TAGLN3: variants seen among roughly 807,000 people sequenced by gnomAD.
TAGLN3 encodes transgelin 3, also known as transgelin-3.
Under a neutral mutation model 25.4 loss-of-function variants are expected in TAGLN3, and 12 were observed. The observed-to-expected ratio is 0.47, with a 90% CI of 0.30 to 0.77. The LOEUF (loss-of-function observed/expected upper bound fraction) is 0.77. TAGLN3 is among the 30% of genes least tolerant of loss of function. The pLI, the probability that TAGLN3 is intolerant of heterozygous loss-of-function variation, is 0.06. For missense variants in TAGLN3, 218 were observed against 255.8 expected (o/e 0.85, Z 1.01); for synonymous variants, 96 against 94.8 (o/e 1.01, Z -0.08).
intron 3 of TAGLN3, among the ~76,000 whole-genome samples, chr3:112,003,559 A>G (rs1202023966): frequency 6.6e-6 from 1 of 152,184 alleles, no homozygotes; most frequent in Non-Finnish European, 1.5e-5. Flanking sequence ...TTGTGCACAC[A>G]GCTATTAGAC....
intron 3 of TAGLN3, among the ~76,000 whole-genome samples, chr3:112,006,217 C>A (rs937166701): frequency 2.0e-5 from 3 of 152,084 alleles, no homozygotes; most frequent in Non-Finnish European, 4.4e-5. Flanking sequence ...CTGCTAAGCC[C>A]CAACAGCAGA....
chr3:112,002,949 T>C (rs2072877852), intron 3 of TAGLN3, among the ~76,000 whole-genome samples: 1 of 152,040 alleles, frequency 6.6e-6, no homozygotes, highest in Non-Finnish European at 1.5e-5. Flanking sequence ...GGGATGAGTG[T>C]GGTCGCCTGA....
At chr3:112,010,205 T>A (rs980647798) in intron 3 of TAGLN3, among the ~76,000 whole-genome samples, 1 of 152,088 alleles carries the variant, frequency 6.6e-6, no homozygotes, top group Non-Finnish European at 1.5e-5. Flanking sequence ...TCCAGGGTAG[T>A]GTCTGTGGGT....
At chr3:112,000,136 T>C (rs2072839316) in intron 2 of TAGLN3, among the ~76,000 whole-genome samples, 1 of 152,218 alleles carries the variant, frequency 6.6e-6, no homozygotes. Flanking sequence ...CGTGTGTGTT[T>C]GAGGGTTTGA....
At chr3:111,999,144 T>C (rs1240454810) in intron 1 of TAGLN3, 30 bp downstream of exon 1, 15 of 338,486 alleles carry the variant, frequency 4.4e-5, no homozygotes, top group South Asian at 3.7e-4. Flanking sequence ...TCTGGTCTCA[T>C]TGATAGGCGG....
intron 3 of TAGLN3, among the ~76,000 whole-genome samples, chr3:112,010,126 G>A (rs1435796192): frequency 1.3e-5 from 2 of 151,922 alleles, no homozygotes; most frequent in Admixed American, 1.3e-4. Flanking sequence ...GGGATACCAG[G>A]GATGAACTAG....
intron 3 of TAGLN3, among the ~76,000 whole-genome samples, chr3:112,010,335 T>G (rs1256009124): frequency 6.6e-6 from 1 of 152,134 alleles, no homozygotes; most frequent in Admixed American, 6.5e-5. Context: ...ATGAGTGATA[T>G]ACCCTAACCT....
intron 3 of TAGLN3, among the ~76,000 whole-genome samples, chr3:112,008,618 A>G (rs1422894499): frequency 1.3e-5 from 2 of 152,092 alleles, no homozygotes; most frequent in African/African-American, 2.4e-5. Flanking sequence ...CTCTCATCCA[A>G]TGGTGCTTGA....
At chr3:112,010,192 T>C (rs1373772463) in intron 3 of TAGLN3, among the ~76,000 whole-genome samples, 1 of 152,076 alleles carries the variant, frequency 6.6e-6, no homozygotes. Flanking sequence ...CTTCATCCGT[T>C]GCTCCAGGGT....
intron 3 of TAGLN3, among the ~76,000 whole-genome samples, chr3:112,006,501 A>G (rs755102925): frequency 6.6e-6 from 1 of 152,232 alleles, no homozygotes; most frequent in Non-Finnish European, 1.5e-5. Flanking sequence ...GAAATAAGAC[A>G]TGGTTTCATA....
At chr3:112,009,548 A>G (rs916784588) in intron 3 of TAGLN3, among the ~76,000 whole-genome samples, 1 of 152,260 alleles carries the variant, frequency 6.6e-6, no homozygotes. Flanking sequence ...GGCATGGTGG[A>G]TTGTTCAAGG....
At chr3:112,008,089 C>T (rs149386940) in intron 3 of TAGLN3, among the ~76,000 whole-genome samples, 4 of 152,048 alleles carry the variant, frequency 2.6e-5, no homozygotes, top group Non-Finnish European at 5.9e-5. Context: ...ATATGGACTC[C>T]CAGAATTTAC....
At chr3:112,010,475 A>T (rs2072963595) in intron 3 of TAGLN3, among the ~76,000 whole-genome samples, 1 of 152,232 alleles carries the variant, frequency 6.6e-6, no homozygotes, top group Non-Finnish European at 1.5e-5. Context: ...TTTTTTAAAA[A>T]GTGTCCCATT....
intron 3 of TAGLN3, among the ~76,000 whole-genome samples, chr3:112,004,325 C>T (rs1293671491): frequency 1.3e-5 from 2 of 151,924 alleles, no homozygotes; most frequent in Non-Finnish European, 2.9e-5. Flanking sequence ...GCAGGTAAGA[C>T]TTCAGCATCT....
intron 3 of TAGLN3, among the ~76,000 whole-genome samples, chr3:112,008,988 G>A (rs1238995524): frequency 1.3e-5 from 2 of 152,166 alleles, no homozygotes; most frequent in South Asian, 2.1e-4. Flanking sequence ...GGTGGAAGGC[G>A]AAGGGGAGCC....
chr3:112,005,680 G>A (rs1319144517), intron 3 of TAGLN3, among the ~76,000 whole-genome samples: 1 of 147,902 alleles, frequency 6.8e-6, no homozygotes, highest in Non-Finnish European at 1.5e-5. Context: ...TCTGCTGCTC[G>A]AAGCCTAATT....
At chr3:112,012,726 G>T (rs1467699760) in intron 4 of TAGLN3, among the ~76,000 whole-genome samples, 1 of 152,050 alleles carries the variant, frequency 6.6e-6, no homozygotes, top group African/African-American at 2.4e-5. Context: ...TATTATTAGT[G>T]AACTACCGTG....
At chr3:112,005,154 C>T (rs1403292733) in intron 3 of TAGLN3, among the ~76,000 whole-genome samples, 4 of 152,066 alleles carry the variant, frequency 2.6e-5, no homozygotes, top group Non-Finnish European at 5.9e-5. Flanking sequence ...TGCCTAGTTT[C>T]TCAGAGCCTC....
intron 3 of TAGLN3, among the ~76,000 whole-genome samples, chr3:112,007,774 G>A (rs1205922999): frequency 6.6e-6 from 1 of 152,136 alleles, no homozygotes; most frequent in Non-Finnish European, 1.5e-5. Flanking sequence ...TCTAATTATC[G>A]CTTTTACTTT....
Sources: gnomAD v4.1 joint callset for allele counts (sites outside exome capture counted in the v4.1 genomes callset) on GRCh38, gnomAD v4.1.1 for gene constraint, MANE v1.5 for transcripts, NCBI Gene and HGNC (gene_info 2026-07-23, HGNC 2026-07-21) for gene names.